ENOX1: variants seen among roughly 807,000 people sequenced by gnomAD.
ENOX1 encodes the protein candidate growth-related and time keeping constitutive hydroquinone (NADH) oxidase.
A neutral mutation model predicts 82.5 loss-of-function variants in ENOX1; 42 were observed. The ratio of observed to expected loss-of-function variants is 0.51; its 90% CI spans 0.40 to 0.66. The LOEUF is 0.66. Among genes scored for constraint, ENOX1 ranks in the 30% least tolerant of loss-of-function variants. ENOX1 has a pLI of 0.00. For missense variants in ENOX1, 608 were observed against 811.6 expected, an observed-to-expected ratio of 0.75 and a Z score of 3.05; for synonymous variants, 271 against 282.2, an observed-to-expected ratio of 0.96 and a Z score of 0.40.
intron 2 of ENOX1, among the ~76,000 whole-genome samples, chr13:43,649,429 T>C (rs1367162381): frequency 6.6e-6 from 1 of 152,180 alleles, no homozygotes; most frequent in Non-Finnish European, 1.5e-5. Flanking sequence ...AATCCAATTC[T>C]GAAGCTACTC....
Position 43,606,689 on chromosome 13 carries a change from T to C in ENOX1, c.-219+60790A>G, listed in dbSNP as rs2081987451. 2.0e-5 allele frequency among the ~76,000 whole-genome samples: 3 copies of C among 151,766 alleles called. No homozygotes were observed. In the South Asian group the frequency reaches 6.3e-4, roughly 32 times the overall value. On this transcript the variant is annotated intron_variant, in intron 2 of 16. Transcript: ENST00000690772. ...AGGGGGAAGGGGAGTAGTTAATGGG[T>C]ACAAAAATATAATTAGATAGAATGA...
intron 2 of ENOX1, among the ~76,000 whole-genome samples, chr13:43,601,961 T>C (rs9533546): frequency 0.54 from 82,671 of 151,838 alleles, 26,249 homozygotes; most frequent in Non-Finnish European, 0.73. Flanking sequence ...AAAATATCCT[T>C]CAAATAGGAA....
At chr13:43,678,320 C>T (rs893683760) in intron 1 of ENOX1, among the ~76,000 whole-genome samples, 1 of 152,144 alleles carries the variant, frequency 6.6e-6, no homozygotes, top group Non-Finnish European at 1.5e-5. Flanking sequence ...GGTACTTAGT[C>T]TACAGGCTAA....
intron 2 of ENOX1, among the ~76,000 whole-genome samples, chr13:43,639,159 G>T (rs2083525226): frequency 6.6e-6 from 1 of 152,032 alleles, no homozygotes; most frequent in Non-Finnish European, 1.5e-5. Context: ...CAAAAAATTA[G>T]CTGGCCATGG....
chr13:43,359,328 G>A (rs2050350389), intron 7 of ENOX1, among the ~76,000 whole-genome samples: 1 of 152,198 alleles, frequency 6.6e-6, no homozygotes, highest in Non-Finnish European at 1.5e-5. Context: ...CCTAATCTCA[G>A]TATCTGTAAA....
intron 2 of ENOX1, among the ~76,000 whole-genome samples, chr13:43,599,117 A>G (rs2081594026): frequency 6.6e-6 from 1 of 152,114 alleles, no homozygotes; most frequent in Non-Finnish European, 1.5e-5. Context: ...AAAAGAGGGA[A>G]GAGGTTTAAT....
intron 8 of ENOX1, among the ~76,000 whole-genome samples, chr13:43,352,883 A>G (rs1462958312): frequency 1.3e-5 from 2 of 152,166 alleles, no homozygotes; most frequent in Admixed American, 1.3e-4. Context: ...AGCACTGTGC[A>G]CTTCCCACAT....
chr13:43,268,213 G>C (rs1439840846), intron 13 of ENOX1, among the ~76,000 whole-genome samples: 1 of 152,146 alleles, frequency 6.6e-6, no homozygotes, highest in East Asian at 1.9e-4. Context: ...CAAAAGCTCA[G>C]AGCTATATCT....
At chr13:43,596,012 G>A (rs568933116) in intron 2 of ENOX1, among the ~76,000 whole-genome samples, 4 of 152,284 alleles carry the variant, frequency 2.6e-5, no homozygotes, top group South Asian at 2.1e-4. Flanking sequence ...AGGCAACTGA[G>A]TTTTCATATA....
At chr13:43,435,528 T>C (rs1455979209) in intron 3 of ENOX1, among the ~76,000 whole-genome samples, 2 of 152,210 alleles carry the variant, frequency 1.3e-5, no homozygotes, top group Non-Finnish European at 2.9e-5. Context: ...CTTTACACAA[T>C]GGTGCCTGGG....
At chr13:43,424,726 C>T (rs1236925659) in intron 3 of ENOX1, among the ~76,000 whole-genome samples, 5 of 152,184 alleles carry the variant, frequency 3.3e-5, no homozygotes, top group Admixed American at 3.3e-4. Flanking sequence ...CCACCCATAG[C>T]CCTTGCTCAT....
chr13:43,270,378 C>T (rs2044617374), intron 12 of ENOX1, among the ~76,000 whole-genome samples: 1 of 152,218 alleles, frequency 6.6e-6, no homozygotes, highest in Non-Finnish European at 1.5e-5. Flanking sequence ...CAACAAAGGA[C>T]TGGTTCGAAA....
At chr13:43,404,013 GCCATCTACCTCTGCC>G (rs2053644466) in intron 5 of ENOX1, among the ~76,000 whole-genome samples, 1 of 151,970 alleles carries the variant, frequency 6.6e-6, no homozygotes, top group Non-Finnish European at 1.5e-5. Flanking sequence ...ATGTATCTAG[GCCATCTACCTCTGCC>G]CCATCTACCT....
At chr13:43,639,712 T>G (rs2083555355) in intron 2 of ENOX1, among the ~76,000 whole-genome samples, 1 of 152,196 alleles carries the variant, frequency 6.6e-6, no homozygotes, top group Non-Finnish European at 1.5e-5. Flanking sequence ...ACTTAGAATT[T>G]TTTTCAATGC....
chr13:43,366,783 T>C (rs1303015749), intron 5 of ENOX1, among the ~76,000 whole-genome samples: 1 of 152,234 alleles, frequency 6.6e-6, no homozygotes, highest in Non-Finnish European at 1.5e-5. Flanking sequence ...CTAAGCCTCA[T>C]TTATAATATC....
intron 15 of ENOX1, among the ~76,000 whole-genome samples, chr13:43,233,156 A>G (rs569536226): frequency 3.3e-5 from 5 of 152,350 alleles, no homozygotes; most frequent in African/African-American, 1.2e-4. Context: ...TTACTATAGC[A>G]TTATGAAACA....
chr13:43,587,116 A>T (rs762541935), intron 2 of ENOX1, among the ~76,000 whole-genome samples: 3 of 151,956 alleles, frequency 2.0e-5, no homozygotes, highest in Non-Finnish European at 4.4e-5. Context: ...ATCAGCTCTG[A>T]TATCCTGGCC....
intron 11 of ENOX1, 137 bp from the exon 12 acceptor site, chr13:43,298,667 C>G: frequency 1.5e-6 from 1 of 674,368 alleles, no homozygotes; most frequent in Non-Finnish European, 2.4e-6. Context: ...ATGCCACTCC[C>G]TGGGCCTCTC....
intron 5 of ENOX1, among the ~76,000 whole-genome samples, chr13:43,396,118 C>T (rs972406848): frequency 3.9e-5 from 6 of 152,206 alleles, no homozygotes; most frequent in African/African-American, 1.4e-4. Context: ...ATCTAAATTA[C>T]TATTCATTTT....
Sources: allele counts gnomAD v4.1 joint callset (sites outside exome capture counted in the v4.1 genomes callset), GRCh38; gene constraint gnomAD v4.1.1; transcripts MANE v1.5; gene names NCBI Gene and HGNC (gene_info 2026-07-23, HGNC 2026-07-21).